AGBL2: variants seen among roughly 807,000 people sequenced by gnomAD.
AGBL2 encodes the protein AGBL carboxypeptidase 2, also known as cytosolic carboxypeptidase 2.
A neutral mutation model predicts 103.0 loss-of-function variants in AGBL2; 87 were observed. The ratio of observed to expected loss-of-function variants is 0.84; its 90% CI spans 0.71 to 1.01. AGBL2 has a LOEUF of 1.01. AGBL2 is among the 50% of genes least tolerant of loss of function. AGBL2 has a pLI of 0.00. For missense variants in AGBL2, 904 were observed against 1,023.5 expected (o/e 0.88, Z 1.59); for synonymous variants, 335 against 356.7 (o/e 0.94, Z 0.69).
At position 47,714,897 on chromosome 11, in the gene AGBL2, G is replaced by A. The variant is rs2097545642; in HGVS notation, c.-100-147C>T. On this transcript the variant is annotated intron_variant, in intron 1 of 18. Coordinates refer to ENST00000525123, the MANE Select transcript of AGBL2 (RefSeq NM_024783.4). ...ACGCCGAGGCCAGAGGTGCATCTGA[G>A]ACAGGGAGGGCAGCGTATCTTCCCG... The A allele has an allele frequency of 9.3e-6, 5 of 535,900 alleles. No individual in the cohort carries two copies. The South Asian group carries it at 1.0e-4, about 11-fold the overall frequency. The allele number at this position is 535,900 out of a possible 1,614,324, so 33.2% of individuals were successfully genotyped here.
intron 8 of AGBL2, among the ~76,000 whole-genome samples, chr11:47,696,036 A>AAAAAAAAAAAAT (rs1565068979): frequency 1.0e-4 from 1 of 9,958 alleles, no homozygotes; most frequent in Non-Finnish European, 2.5e-4. Context: ...AAAAAAAAAA[A>AAAAAAAAAAAAT]GAAAAAAAAA....
chr11:47,687,553 CA>C (rs546485733), intron 10 of AGBL2, among the ~76,000 whole-genome samples: 211 of 141,710 alleles, frequency 1.5e-3, no homozygotes, highest in African/African-American at 2.6e-3. Flanking sequence ...AACTCCGTCT[CA>C]AAAAAAAAAA....
At chr11:47,665,020 T>C (rs2097337755) in intron 17 of AGBL2, among the ~76,000 whole-genome samples, 1 of 151,724 alleles carries the variant, frequency 6.6e-6, no homozygotes, top group Admixed American at 6.6e-5. Context: ...TAGCTAAGAC[T>C]ATAAGCATGC....
At chr11:47,669,036 C>A in intron 14 of AGBL2, 129 bp from the exon 15 acceptor site, 1 of 642,756 alleles carries the variant, frequency 1.6e-6, no homozygotes, top group South Asian at 1.8e-5. Context: ...CTCTCATTGT[C>A]TATGCTTCAA....
At chr11:47,686,070 G>A (rs774278672) in intron 10 of AGBL2, 21 bp from the exon 11 acceptor site, 2 of 1,610,222 alleles carry the variant, frequency 1.2e-6, no homozygotes, top group Non-Finnish European at 8.5e-7. Flanking sequence ...GGCAAACAAA[G>A]GACTCAGTGG....
chr11:47,709,589 CTTT>C (rs779043314), intron 4 of AGBL2, among the ~76,000 whole-genome samples: 12 of 144,018 alleles, frequency 8.3e-5, no homozygotes, highest in African/African-American at 7.6e-5. Context: ...CAATGTATTA[CTTT>C]TTTTTTTTTT....
At chr11:47,696,744 G>T (rs933209409) in intron 8 of AGBL2, among the ~76,000 whole-genome samples, 1 of 151,772 alleles carries the variant, frequency 6.6e-6, no homozygotes, top group Non-Finnish European at 1.5e-5. Flanking sequence ...TAATTTTTTT[G>T]ATTTGTACAG....
At position 47,667,658 on chromosome 11, in the gene AGBL2, CT is replaced by C; in HGVS notation, c.2252del (p.Lys751ArgfsTer19). ...GCTGTTTCCTAGTCTGAAGTGACTT[CT>C]TTTTTTTCTTCTTAAACATCTTCTT... ...QKKKMFKKKK[K>X]KSLQTRKQRN... On this transcript the variant is annotated frameshift_variant, in exon 16 of 19. Coordinates refer to ENST00000525123, the MANE Select transcript of AGBL2 (RefSeq NM_024783.4). LOFTEE classifies it high-confidence loss of function. 2.5e-6 allele frequency: 4 copies of C among 1,612,540 alleles called. No homozygotes were observed. The highest frequency in any genetic ancestry group is 1.1e-5 in the South Asian group (1 of 90,922).
chr11:47,675,158 C>G (rs1598930605), intron 14 of AGBL2, among the ~76,000 whole-genome samples: 1 of 150,658 alleles, frequency 6.6e-6, no homozygotes, highest in East Asian at 1.9e-4. Context: ...AGACTTGGAC[C>G]TCTTCTCTAT....
At chr11:47,663,005 A>G in intron 18 of AGBL2, 21 bp downstream of exon 18, 1 of 1,534,938 alleles carries the variant, frequency 6.5e-7, no homozygotes, top group Admixed American at 1.8e-5. Flanking sequence ...ATAAGTATAT[A>G]CAGTATATTA....
chr11:47,678,350 T>TTTTTTTTTTTTTTTTTTTTTTTTTG (rs1598946693), intron 13 of AGBL2, among the ~76,000 whole-genome samples: 1 of 146,228 alleles, frequency 6.8e-6, no homozygotes, highest in Admixed American at 7.0e-5. Flanking sequence ...TTTATTTTTT[T>TTTTTTTTTTTTTTTTTTTTTTTTTG]TGAGACGGAG....
At chr11:47,692,844 G>T (rs1220391481) in intron 8 of AGBL2, among the ~76,000 whole-genome samples, 1 of 151,874 alleles carries the variant, frequency 6.6e-6, no homozygotes, top group African/African-American at 2.4e-5. Context: ...TTGAGACAGG[G>T]TCTCACTCTA....
intron 17 of AGBL2, among the ~76,000 whole-genome samples, chr11:47,666,345 G>C (rs1201163672): frequency 6.7e-6 from 1 of 148,290 alleles, no homozygotes; most frequent in Non-Finnish European, 1.5e-5. Flanking sequence ...AGTGAGCTGA[G>C]ATTGCCTCTG....
In AGBL2 at chr11:47,692,230, T is replaced by C; in HGVS notation, c.721A>G (p.Ser241Gly). Residue 241 changes from serine to glycine, a missense_variant, in exon 9 of 19, where the codon AGT becomes GGT. Transcript: ENST00000525123. ...SVPIEGSYFT[S>G]SRVGGKRGIV... is the part of the protein sequence containing the mutation. ...CCTCGTTTGCCTCCCACTCTGGAAC[T>C]GGTAAAATAGGAACCTTCTATAGGC... 1 of 1,613,720 alleles carries C rather than the reference T, an allele frequency of 6.2e-7. No individual in the cohort carries two copies. The highest frequency in any genetic ancestry group is 8.5e-7 in the Non-Finnish European group (1 of 1,179,850).
chr11:47,694,642 G>A (rs2097460233), intron 8 of AGBL2, among the ~76,000 whole-genome samples: 1 of 152,202 alleles, frequency 6.6e-6, no homozygotes. Flanking sequence ...TTTAGCCTGA[G>A]GGAGGCAGTA....
Position 47,714,291 on chromosome 11 carries a change from G to A in AGBL2, c.90C>T (p.Tyr30=). ...ATAAGAACATGGTATTACCTTTAAA[G>A]TAGCCATAATATTGGAGGTGACGGT... The part of the protein sequence containing the change: ...FMYRHLQYYG[Y]FKAQRGSLPN... The change falls in exon 3 of 19, where the codon TAC becomes TAT. Residue 30 remains tyrosine, a synonymous_variant. Coordinates refer to ENST00000525123, the MANE Select transcript of AGBL2 (RefSeq NM_024783.4). The A allele has an allele frequency of 6.2e-7, 1 of 1,611,964 alleles. No individual in the cohort carries two copies. Among genetic ancestry groups the A allele is most frequent in the Non-Finnish European group, 8.5e-7 (1 of 1,178,914 alleles).
intron 4 of AGBL2, among the ~76,000 whole-genome samples, chr11:47,709,463 AG>A (rs2097530887): frequency 2.6e-5 from 4 of 152,190 alleles, no homozygotes; most frequent in Admixed American, 2.6e-4. Flanking sequence ...CTTGGATTTT[AG>A]AAGAAACCTG....
chr11:47,677,236 TA>T (rs199768280), intron 14 of AGBL2, 34 bp downstream of exon 14: 103 of 1,452,610 alleles, frequency 7.1e-5, no homozygotes, highest in South Asian at 2.2e-4. Flanking sequence ...ACAAAGTATT[TA>T]AAAAAAAACA....
At position 47,682,096 on chromosome 11, in the gene AGBL2, C is replaced by G. The variant is rs772269136; in HGVS notation, c.1789-1G>C. On this transcript the variant is annotated splice_acceptor_variant, in intron 11 of 18. Transcript: ENST00000525123. LOFTEE classifies it high-confidence loss of function. ...TAAAATTACAACTGTGAAAAGAGAA[C>G]TAAAAAGAAATCCAAATTTTCTGTT... The G allele has an allele frequency of 6.2e-7, 1 of 1,612,236 alleles. No homozygotes were observed. The highest frequency in any genetic ancestry group is 2.2e-5 in the East Asian group (1 of 44,870).
Sources: gnomAD v4.1 joint callset for allele counts (sites outside exome capture counted in the v4.1 genomes callset) on GRCh38, gnomAD v4.1.1 for gene constraint, MANE v1.5 for transcripts, NCBI Gene and HGNC (gene_info 2026-07-23, HGNC 2026-07-21) for gene names.